Variants in DOP1B observed in about 807,000 individuals in gnomAD.
The protein encoded by DOP1B is protein DOP1B.
A neutral mutation model predicts 233.5 loss-of-function variants in DOP1B; 174 were observed. The ratio of observed to expected loss-of-function variants is 0.75; its 90% CI spans 0.66 to 0.85. DOP1B has a LOEUF of 0.85. Ranked by LOEUF, DOP1B falls within the 40% of genes least tolerant of loss-of-function variation. DOP1B has a pLI of 0.00. For missense variants in DOP1B, 2,652 were observed against 2,846.6 expected (o/e 0.93, Z 1.56); for synonymous variants, 1,190 against 1,185.6 (o/e 1.00, Z -0.08).
intron 21 of DOP1B, among the ~76,000 whole-genome samples, chr21:36,249,457 G>A (rs562750997): frequency 1.2e-4 from 18 of 152,114 alleles, no homozygotes; most frequent in African/African-American, 2.4e-4. Flanking sequence ...GGTTCAAAGC[G>A]GGGATACCTA....
chr21:36,178,981 A>G (rs1485553967), intron 2 of DOP1B, among the ~76,000 whole-genome samples: 6 of 152,262 alleles, frequency 3.9e-5, no homozygotes, highest in Middle Eastern at 6.8e-3. Context: ...CCTTGTCCCC[A>G]GACAACCACT....
chr21:36,216,541 G>T (rs546728198), intron 9 of DOP1B, among the ~76,000 whole-genome samples: 9 of 152,202 alleles, frequency 5.9e-5, no homozygotes, highest in Admixed American at 2.6e-4. Context: ...AACCCAGGAG[G>T]TGGAGATTGC....
At chr21:36,201,830 TTGTG>T (rs141533181) in intron 4 of DOP1B, among the ~76,000 whole-genome samples, 4 of 149,994 alleles carry the variant, frequency 2.7e-5, no homozygotes, top group Admixed American at 2.0e-4. Context: ...TCATGTAGCT[TTGTG>T]TGTGTGTGTG....
rs551839601 is a variant in DOP1B at position 36,182,462 on chromosome 21, G to T, written c.139-16608G>T. 7.9e-5 allele frequency among the ~76,000 whole-genome samples: 12 copies of T among 152,256 alleles called. No homozygotes were observed. In the East Asian group the frequency reaches 2.3e-3, roughly 29 times the overall value. ...GATATGGCGGGAAGGCTGCAGGGTG[G>T]CTTCTGGAAAGGTTTTTTTCTCATA... On this transcript the variant is annotated intron_variant, in intron 2 of 36. Transcript: ENST00000691173.
chr21:36,289,600 G>A (rs934836465), intron 35 of DOP1B, among the ~76,000 whole-genome samples: 1 of 152,036 alleles, frequency 6.6e-6, no homozygotes, highest in Non-Finnish European at 1.5e-5. Context: ...TGCCATCTCC[G>A]ATTCACTTTG....
At chr21:36,292,495 G>C (rs1415241381) in intron 36 of DOP1B, among the ~76,000 whole-genome samples, 1 of 151,910 alleles carries the variant, frequency 6.6e-6, no homozygotes, top group African/African-American at 2.4e-5. Context: ...CACAACCTCA[G>C]GTCACTGCAA....
At chr21:36,275,456 C>G (rs1034471507) in intron 27 of DOP1B, among the ~76,000 whole-genome samples, 2 of 151,732 alleles carry the variant, frequency 1.3e-5, no homozygotes, top group Non-Finnish European at 2.9e-5. Flanking sequence ...GTGAAAAATC[C>G]CCATCTCTAC....
chr21:36,254,520 C>T (rs1489403070), intron 23 of DOP1B, among the ~76,000 whole-genome samples: 1 of 152,130 alleles, frequency 6.6e-6, no homozygotes, highest in East Asian at 1.9e-4. Flanking sequence ...CTAACTGGGG[C>T]TTATCCAAAT....
At chr21:36,206,783 A>G (rs1447854349) in intron 4 of DOP1B, among the ~76,000 whole-genome samples, 1 of 152,184 alleles carries the variant, frequency 6.6e-6, no homozygotes, top group Non-Finnish European at 1.5e-5. Context: ...GACAAGCTCT[A>G]TTTGTTTACT....
chr21:36,206,575 G>C (rs1239957320), intron 4 of DOP1B, among the ~76,000 whole-genome samples: 2 of 151,998 alleles, frequency 1.3e-5, no homozygotes, highest in Non-Finnish European at 2.9e-5. Flanking sequence ...CTAGTAGCCA[G>C]TTTTCAGAAT....
At chr21:36,263,953 T>C (rs1207722466) in intron 26 of DOP1B, 139 bp downstream of exon 26, 2 of 896,304 alleles carry the variant, frequency 2.2e-6, no homozygotes, top group Non-Finnish European at 3.5e-6. Context: ...CAAGTCTTAC[T>C]TCTGCCATCA....
intron 24 of DOP1B, among the ~76,000 whole-genome samples, chr21:36,262,916 TAAATAAATAAAATA>T (rs1431422031): frequency 7.6e-6 from 1 of 131,658 alleles, no homozygotes; most frequent in Non-Finnish European, 1.7e-5. Flanking sequence ...AATAAATAAA[TAAATAAATAAAATA>T]AAATAAAATA....
In DOP1B at chr21:36,230,852, C is replaced by A; in HGVS notation, c.2068C>A (p.Pro690Thr). 2.5e-6 allele frequency: 4 copies of A among 1,614,062 alleles called. No individual in the cohort carries two copies. The highest frequency in any genetic ancestry group is 3.4e-6 in the Non-Finnish European group (4 of 1,179,988). Residue 690 changes from proline (P) to threonine (T), a missense_variant, in exon 14 of 37, where the codon CCT becomes ACT. By Grantham distance (38) the Pro-to-Thr change is conservative. Transcript: ENST00000691173. ...TTGGGAGCCCAAGCCCATCACTGTG[C>A]CTCAGTTCAAGCAGATGCTGTCAGA... The part of the protein sequence containing the change: ...NSWEPKPITV[P>T]QFKQMLSDLF...
rs763982531 is a variant in DOP1B at position 36,239,920 on chromosome 21, C to T, written c.3032C>T (p.Thr1011Ile). Residue 1011 changes from threonine (T) to isoleucine (I), a missense_variant, in exon 18 of 37, where the codon ACC becomes ATC. By Grantham distance (89) the Thr-to-Ile change is moderately conservative. This residue lies in a region of DOP1B where 2,617 missense variants were observed against 2,794.3 expected (regional missense o/e 0.94). Transcript: ENST00000691173. ...LLLLQPKTQRTSIHCLKQENS... is the reference protein window; with the variant it reads ...LLLLQPKTQRISIHCLKQENS... ...CTGCTGCAGCCAAAAACCCAGAGAA[C>T]CTCCATCCACTGCCTCAAGCAGGAG... 1 of 1,610,598 alleles carries T rather than the reference C, an allele frequency of 6.2e-7. No homozygotes were observed. Among genetic ancestry groups the T allele is most frequent in the South Asian group, 1.1e-5 (1 of 90,734 alleles).
In DOP1B at chr21:36,263,570, G is replaced by C; in HGVS notation, c.5340G>C (p.Glu1780Asp). 1 of 1,614,134 alleles carries C rather than the reference G, an allele frequency of 6.2e-7. No homozygotes were observed. Among genetic ancestry groups the C allele is most frequent in the Non-Finnish European group, 8.5e-7 (1 of 1,180,020 alleles). Residue 1780 changes from glutamate (E) to aspartate (D), a missense_variant, in exon 25 of 37, where the codon GAG becomes GAC. Glu to Asp is a conservative substitution (Grantham distance 45). This residue lies in a region of DOP1B where 2,617 missense variants were observed against 2,794.3 expected (regional missense o/e 0.94). Coordinates refer to ENST00000691173, the MANE Select transcript of DOP1B (RefSeq NM_001320714.2). The stretch of plus-strand genomic sequence containing the variant: ...GGCTCCCAGTACCAGCCTTGCAAGA[G>C]AACTTTTCTTCACTGTTGGGAGTAT... Reference protein sequence around the residue: ...LQRLPVPALQENFSSLLGVLK... With the variant: ...LQRLPVPALQDNFSSLLGVLK...
At chr21:36,223,884 C>T (rs907272087) in intron 11 of DOP1B, among the ~76,000 whole-genome samples, 25 of 152,122 alleles carry the variant, frequency 1.6e-4, no homozygotes, top group Non-Finnish European at 3.1e-4. Flanking sequence ...AGCCCTTTCC[C>T]ATGCCATTTT....
chr21:36,212,342 T>A (rs1329137415), intron 7 of DOP1B, among the ~76,000 whole-genome samples: 4 of 152,204 alleles, frequency 2.6e-5, no homozygotes, highest in Non-Finnish European at 5.9e-5. Flanking sequence ...CCAACTGAAT[T>A]CCATTTAAGA....
intron 2 of DOP1B, among the ~76,000 whole-genome samples, chr21:36,195,046 A>T (rs966389738): frequency 6.6e-6 from 1 of 151,772 alleles, no homozygotes; most frequent in East Asian, 2.0e-4. Flanking sequence ...TCTCTACGAA[A>T]AAATACCAAA....
chr21:36,253,733 C>G, intron 22 of DOP1B, 39 bp from the exon 23 acceptor site: 1 of 1,598,780 alleles, frequency 6.3e-7, no homozygotes, highest in Non-Finnish European at 8.5e-7. Flanking sequence ...TTTACTTTCT[C>G]TCTATAAGCT....
Sources: gnomAD v4.1 joint callset for allele counts (sites outside exome capture counted in the v4.1 genomes callset) on GRCh38, gnomAD v4.1.1 for gene constraint, gnomAD v4.1.1 regional missense constraint, MANE v1.5 for transcripts, NCBI Gene and HGNC (gene_info 2026-07-23, HGNC 2026-07-21) for gene names.